The following SERPINI1 variants were observed in gnomAD, a reference collection of about 807,000 sequenced individuals.
SERPINI1 encodes the protein neuroserpin.
Under a neutral mutation model 41.1 loss-of-function variants are expected in SERPINI1, and 19 were observed. That is an observed-to-expected ratio of 0.46 (90% CI 0.32 to 0.68). SERPINI1 has a LOEUF of 0.68. SERPINI1 is among the 30% of genes least tolerant of loss of function. The pLI is 0.03. For synonymous variants in SERPINI1, 138 were observed against 156.6 expected (o/e 0.88, Z 0.89); for missense variants, 460 against 479.2 (o/e 0.96, Z 0.37).
chr3:167,792,350 C>CACAT (rs1727553130), intron 3 of SERPINI1, among the ~76,000 whole-genome samples: 3 of 142,192 alleles, frequency 2.1e-5, no homozygotes, highest in African/African-American at 8.2e-5. Context: ...TATACACACA[C>CACAT]ATATATATAT....
At position 167,824,523 on chromosome 3, in the gene SERPINI1, G is replaced by T; in HGVS notation, c.1117G>T (p.Asp373Tyr). Reference protein sequence around the residue: ...MAVLYPQVIVDHPFFFLIRNR... With the variant: ...MAVLYPQVIVYHPFFFLIRNR... ...TGTGCTGTATCCTCAAGTTATTGTC[G>T]ACCATCCATTTTTCTTTCTTATCAG... The change falls in exon 8 of 9, where the codon GAC becomes TAC. Residue 373 changes from aspartate to tyrosine, a missense_variant. By Grantham distance (160) the Asp-to-Tyr change is radical (BLOSUM62 -3). Coordinates refer to ENST00000446050, the MANE Select transcript of SERPINI1 (RefSeq NM_001122752.2). 6.2e-7 allele frequency: 1 copy of T among 1,613,436 alleles called. No individual in the cohort carries two copies. The highest frequency in any genetic ancestry group is 1.1e-5 in the South Asian group (1 of 91,030).
rs768301457 is a variant in SERPINI1, at chr3:167,792,755, T to C, written c.647T>C (p.Met216Thr). The C allele has an allele frequency of 6.2e-7, 1 of 1,613,794 alleles. No homozygotes were observed. The highest frequency in any genetic ancestry group is 1.7e-5 in the Admixed American group (1 of 59,956). ...KDDESEVQIP[M>T]MYQQGEFYYG... ...GATGAAAGTGAAGTCCAAATTCCAA[T>C]GATGTATCAGCAAGGAGAATTTTAT... is the stretch of plus-strand genomic sequence containing the variant. Residue 216 changes from methionine to threonine, a missense_variant, in exon 4 of 9, where the codon ATG (methionine) becomes ACG (threonine). Coordinates refer to ENST00000446050, the MANE Select transcript of SERPINI1 (RefSeq NM_001122752.2).
intron 3 of SERPINI1, among the ~76,000 whole-genome samples, chr3:167,791,544 A>G (rs1468047853): frequency 6.6e-6 from 1 of 152,180 alleles, no homozygotes; most frequent in Admixed American, 6.5e-5. Context: ...ATAGTCAAAG[A>G]ATACATCAAG....
chr3:167,739,934 T>C (rs1196726083), intron 1 of SERPINI1, among the ~76,000 whole-genome samples: 2 of 152,324 alleles, frequency 1.3e-5, no homozygotes, highest in African/African-American at 2.4e-5. Flanking sequence ...TTGTAGCACA[T>C]ATTTAACTAT....
intron 1 of SERPINI1, among the ~76,000 whole-genome samples, chr3:167,749,640 T>C (rs1398295626): frequency 6.6e-6 from 1 of 152,222 alleles, no homozygotes; most frequent in East Asian, 1.9e-4. Context: ...ATCCAGAATT[T>C]CCACTGTAAC....
At chr3:167,754,578 A>G (rs1726140621) in intron 1 of SERPINI1, among the ~76,000 whole-genome samples, 2 of 152,244 alleles carry the variant, frequency 1.3e-5, no homozygotes, top group South Asian at 4.1e-4. Context: ...AAGGAAATCC[A>G]CAGTGCAAAA....
chr3:167,811,304 A>G (rs1711868283), intron 6 of SERPINI1, among the ~76,000 whole-genome samples: 1 of 151,738 alleles, frequency 6.6e-6, no homozygotes, highest in African/African-American at 2.4e-5. Flanking sequence ...CTCCTCCACA[A>G]CAAAGGATTA....
At chr3:167,803,389 C>G (rs1006687385) in intron 5 of SERPINI1, among the ~76,000 whole-genome samples, 1 of 152,022 alleles carries the variant, frequency 6.6e-6, no homozygotes, top group Non-Finnish European at 1.5e-5. Context: ...ACACCAATTA[C>G]TACTGGAATG....
At chr3:167,808,124 A>G (rs887078797) in intron 6 of SERPINI1, among the ~76,000 whole-genome samples, 13 of 149,702 alleles carry the variant, frequency 8.7e-5, no homozygotes, top group African/African-American at 2.7e-4. Flanking sequence ...GTCTCAAAAA[A>G]TAGTAATGAT....
chr3:167,745,199 T>G (rs1053087786), intron 1 of SERPINI1, among the ~76,000 whole-genome samples: 1 of 151,648 alleles, frequency 6.6e-6, no homozygotes, highest in Non-Finnish European at 1.5e-5. Flanking sequence ...AGCAACCAAA[T>G]CTGGCAACAA....
chr3:167,769,106 G>A (rs1399736321), intron 1 of SERPINI1, among the ~76,000 whole-genome samples: 1 of 152,104 alleles, frequency 6.6e-6, no homozygotes, highest in African/African-American at 2.4e-5. Flanking sequence ...GAGTTCTCCT[G>A]CCTCAGCCTC....
chr3:167,736,628 C>T (rs1423267448), intron 1 of SERPINI1, among the ~76,000 whole-genome samples: 1 of 152,086 alleles, frequency 6.6e-6, no homozygotes, highest in Non-Finnish European at 1.5e-5. Flanking sequence ...AGAGTATGTG[C>T]TGAAGGACTA....
At chr3:167,737,493 T>C (rs1725514652) in intron 1 of SERPINI1, among the ~76,000 whole-genome samples, 1 of 151,746 alleles carries the variant, frequency 6.6e-6, no homozygotes, top group East Asian at 1.9e-4. Flanking sequence ...AAAAAAAAAG[T>C]GGGTATTAGG....
chr3:167,794,184 T>C (rs1170900683), intron 4 of SERPINI1, among the ~76,000 whole-genome samples: 2 of 150,604 alleles, frequency 1.3e-5, no homozygotes, highest in Non-Finnish European at 2.9e-5. Context: ...TTCAGATATA[T>C]TGAATTATCT....
intron 1 of SERPINI1, among the ~76,000 whole-genome samples, chr3:167,783,847 T>A (rs1240531156): frequency 6.6e-6 from 1 of 152,200 alleles, no homozygotes; most frequent in African/African-American, 2.4e-5. Context: ...AAAGATCACT[T>A]AACTGTGGAT....
chr3:167,750,564 A>G (rs1368116412), intron 1 of SERPINI1, among the ~76,000 whole-genome samples: 1 of 152,194 alleles, frequency 6.6e-6, no homozygotes, highest in Non-Finnish European at 1.5e-5. Context: ...CTAGAAGGAA[A>G]TCCAGAACTG....
chr3:167,738,611 T>C (rs1405879532), intron 1 of SERPINI1, among the ~76,000 whole-genome samples: 2 of 151,944 alleles, frequency 1.3e-5, no homozygotes, highest in Non-Finnish European at 2.9e-5. Context: ...AGTCATTAAT[T>C]TGTAGAGGCC....
At position 167,741,177 on chromosome 3, in the gene SERPINI1, C is replaced by T. The variant is rs557362102; in HGVS notation, c.-19+5354C>T. Reference sequence around the variant, plus strand: ...AGTTTCAGCCACTGCTTTGAGGCCCCCTTCTGGTTCTGCCTGGGAAAGGAG... The same window carrying T: ...AGTTTCAGCCACTGCTTTGAGGCCCTCTTCTGGTTCTGCCTGGGAAAGGAG... On this transcript the variant is annotated intron_variant, in intron 1 of 8. Coordinates refer to ENST00000446050, the MANE Select transcript of SERPINI1 (RefSeq NM_001122752.2). 2.0e-5 allele frequency among the ~76,000 whole-genome samples: 3 copies of T among 152,306 alleles called. No homozygotes were observed. The South Asian group carries it at 6.2e-4, about 32-fold the overall frequency.
At chr3:167,824,006 T>C (rs1284272891) in intron 7 of SERPINI1, among the ~76,000 whole-genome samples, 1 of 152,212 alleles carries the variant, frequency 6.6e-6, no homozygotes, top group Non-Finnish European at 1.5e-5. Flanking sequence ...ACTAGAAACC[T>C]GGTGACTTCC....
Sources: allele counts gnomAD v4.1 joint callset (sites outside exome capture counted in the v4.1 genomes callset), GRCh38; gene constraint gnomAD v4.1.1; transcripts MANE v1.5; gene names NCBI Gene and HGNC (gene_info 2026-07-23, HGNC 2026-07-21).